Variants in RPH3A observed in about 807,000 individuals in gnomAD.
The protein encoded by RPH3A is rabphilin 3A.
In RPH3A, 48 loss-of-function variants were observed where a neutral mutation model predicts 102.2. That is an observed-to-expected ratio of 0.47 (90% confidence interval 0.37 to 0.60). RPH3A has a LOEUF of 0.60. Among genes scored for constraint, RPH3A ranks in the 20% least tolerant of loss-of-function variants. The pLI is 0.00. For synonymous variants in RPH3A, 310 were observed against 324.3 expected (o/e 0.96, Z 0.47); for missense variants, 781 against 910.1 (o/e 0.86, Z 1.83).
chr12:112,683,667 T>C (rs2040242170), intron 1 of RPH3A, among the ~76,000 whole-genome samples: 1 of 152,174 alleles, frequency 6.6e-6, no homozygotes, highest in Non-Finnish European at 1.5e-5. Context: ...CAGAATTGTC[T>C]CACTGCTGAG....
intron 1 of RPH3A, among the ~76,000 whole-genome samples, chr12:112,724,016 A>G (rs764930297): frequency 6.6e-6 from 1 of 151,410 alleles, no homozygotes; most frequent in Non-Finnish European, 1.5e-5. Context: ...ATTTTATGCA[A>G]TTATGACATA....
chr12:112,786,952 C>A (rs986206805), upstream of RPH3A, among the ~76,000 whole-genome samples: 3 of 152,250 alleles, frequency 2.0e-5, no homozygotes, highest in Admixed American at 2.0e-4. Context: ...TTTTCCTCAC[C>A]TTTTCCATTT....
chr12:112,651,152 G>A (rs1017895109), intron 1 of RPH3A, among the ~76,000 whole-genome samples: 1 of 151,858 alleles, frequency 6.6e-6, no homozygotes, highest in Non-Finnish European at 1.5e-5. Context: ...TTGAGCTCAG[G>A]AGTTCCAGAC....
intron 1 of RPH3A, among the ~76,000 whole-genome samples, chr12:112,707,297 TCTC>T (rs895096830): frequency 2.0e-5 from 3 of 152,202 alleles, no homozygotes; most frequent in Non-Finnish European, 4.4e-5. Flanking sequence ...TCCTGTCCCT[TCTC>T]CTCCTCGACC....
At chr12:112,606,798 C>T (rs1042143282) in intron 1 of RPH3A, among the ~76,000 whole-genome samples, 4 of 152,130 alleles carry the variant, frequency 2.6e-5, no homozygotes, top group South Asian at 2.1e-4. Flanking sequence ...AACCAGGTCT[C>T]GTGAGAACTC....
chr12:112,770,150 T>C (rs566688032), intron 1 of RPH3A, among the ~76,000 whole-genome samples: 17 of 152,324 alleles, frequency 1.1e-4, no homozygotes, highest in Non-Finnish European at 2.2e-4. Flanking sequence ...TATTTAGTCA[T>C]TTTGTTGTTA....
intron 1 of RPH3A, among the ~76,000 whole-genome samples, chr12:112,711,299 C>T: frequency 6.6e-6 from 1 of 152,112 alleles, no homozygotes; most frequent in South Asian, 2.1e-4. Context: ...CCTATATAAG[C>T]ATAGTTTGTT....
At chr12:112,735,406 C>T (rs542881215) in intron 1 of RPH3A, among the ~76,000 whole-genome samples, 2 of 152,228 alleles carry the variant, frequency 1.3e-5, no homozygotes, top group African/African-American at 2.4e-5. Flanking sequence ...CCTCTAAGAA[C>T]TCAAATTAGG....
intron 1 of RPH3A, among the ~76,000 whole-genome samples, chr12:112,748,631 G>A (rs2040764344): frequency 6.6e-6 from 1 of 152,124 alleles, no homozygotes; most frequent in Non-Finnish European, 1.5e-5. Context: ...CACCATGCCT[G>A]GCCTGCTCCC....
intron 1 of RPH3A, among the ~76,000 whole-genome samples, chr12:112,781,837 A>G (rs1415110735): frequency 6.6e-6 from 1 of 152,246 alleles, no homozygotes; most frequent in Non-Finnish European, 1.5e-5. Flanking sequence ...ATCTTCTAGG[A>G]TGATGATCTA....
chr12:112,624,308 G>A (rs2039755880), intron 1 of RPH3A, among the ~76,000 whole-genome samples: 1 of 151,004 alleles, frequency 6.6e-6, no homozygotes, highest in Non-Finnish European at 1.5e-5. Context: ...TTGATAGACC[G>A]CTAGCAAGAC....
chr12:112,847,572 A>T, intron 4 of RPH3A, 124 bp from the exon 5 acceptor site: 1 of 1,049,104 alleles, frequency 9.5e-7, no homozygotes, highest in Admixed American at 2.1e-5. Flanking sequence ...TGCAGAGAGG[A>T]GCAGATTGAA....
intron 3 of RPH3A, among the ~76,000 whole-genome samples, chr12:112,828,846 A>G (rs2041923180): frequency 6.6e-6 from 1 of 152,266 alleles, no homozygotes; most frequent in Non-Finnish European, 1.5e-5. Flanking sequence ...GGGACTGATC[A>G]TGTAAAAATT....
intron 2 of RPH3A, among the ~76,000 whole-genome samples, chr12:112,813,718 C>G (rs575958217): frequency 4.4e-4 from 66 of 150,474 alleles, no homozygotes; most frequent in African/African-American, 1.6e-3. Context: ...TTGCTGCAAC[C>G]TCAAAAAAAC....
In RPH3A at chr12:112,856,484, A is replaced by ATG. The variant is rs3837520; in HGVS notation, c.230+8670_230+8671dup. Among the ~76,000 whole-genome samples, 837 of 149,460 alleles carry ATG rather than the reference A, an allele frequency of 5.6e-3. 5 individuals are homozygous for ATG. The highest frequency in any genetic ancestry group is 8.1e-3 in the Admixed American group (122 of 15,120). ...ATGTAGGTTCTGATCACACATGTGC[A>ATG]TGTGTGTGTGTGTGTGTGTGTGTGT... On this transcript the variant is annotated intron_variant, in intron 5 of 21. Transcript: ENST00000389385.
At chr12:112,719,017 A>G (rs936877398) in intron 1 of RPH3A, among the ~76,000 whole-genome samples, 2 of 152,190 alleles carry the variant, frequency 1.3e-5, no homozygotes, top group Admixed American at 6.5e-5. Flanking sequence ...TGCTCTGTCA[A>G]GTGGTTTTCA....
chr12:112,823,347 C>T (rs2041812743), intron 2 of RPH3A, among the ~76,000 whole-genome samples: 1 of 152,230 alleles, frequency 6.6e-6, no homozygotes. Context: ...GTAGCTTAGC[C>T]ACCCTGAGCC....
intron 1 of RPH3A, among the ~76,000 whole-genome samples, chr12:112,615,598 G>C (rs2039673303): frequency 6.6e-6 from 1 of 152,200 alleles, no homozygotes; most frequent in Non-Finnish European, 1.5e-5. Flanking sequence ...GCAGGTCCAG[G>C]AGCAGGTGGA....
chr12:112,864,469 T>C (rs1157533111), intron 5 of RPH3A, among the ~76,000 whole-genome samples: 1 of 118,750 alleles, frequency 8.4e-6, no homozygotes, highest in African/African-American at 3.2e-5. Context: ...AAAAAAAAAA[T>C]GGATACTATA....
Sources: allele counts gnomAD v4.1 joint callset (sites outside exome capture counted in the v4.1 genomes callset), GRCh38; gene constraint gnomAD v4.1.1; transcripts MANE v1.5; gene names NCBI Gene and HGNC (gene_info 2026-07-23, HGNC 2026-07-21).